The following NBAS variants were observed in gnomAD, a reference collection of about 807,000 sequenced individuals.
The protein encoded by NBAS is NBAS subunit of NRZ tethering complex.
Under a neutral mutation model 302.5 loss-of-function variants are expected in NBAS, and 219 were observed. That is an observed-to-expected ratio of 0.72 (90% CI 0.65 to 0.81). The LOEUF (loss-of-function observed/expected upper bound fraction) is 0.81. NBAS is among the 30% of genes least tolerant of loss of function. NBAS has a pLI of 0.00. For synonymous variants in NBAS, 1,118 were observed against 1,021.6 expected (o/e 1.09, Z -1.80); for missense variants, 2,932 against 2,841.6 (o/e 1.03, Z -0.72).
chr2:15,282,043 G>C (rs890082953), intron 42 of NBAS, among the ~76,000 whole-genome samples: 2 of 152,114 alleles, frequency 1.3e-5, no homozygotes, highest in Admixed American at 6.6e-5. Flanking sequence ...CAAATTTAGG[G>C]CTCAATTTTA....
the NBAS span, among the ~76,000 whole-genome samples, chr2:15,008,702 A>G: frequency 2.0e-5 from 3 of 152,218 alleles, no homozygotes; most frequent in African/African-American, 4.8e-5. Flanking sequence ...TATTTAAAAA[A>G]TAGGTGAAAT....
the NBAS span, among the ~76,000 whole-genome samples, chr2:15,029,286 T>A: frequency 1.3e-5 from 2 of 152,210 alleles, no homozygotes; most frequent in African/African-American, 4.8e-5. Flanking sequence ...CAGCTACAAA[T>A]TCTAATCAAA....
chr2:15,105,096 A>C, the NBAS span, among the ~76,000 whole-genome samples: 1 of 152,206 alleles, frequency 6.6e-6, no homozygotes, highest in Admixed American at 6.6e-5. Context: ...GGATGAGGTC[A>C]TGTCCTTTGC....
the NBAS span, among the ~76,000 whole-genome samples, chr2:15,107,944 G>C: frequency 6.6e-6 from 1 of 152,036 alleles, no homozygotes; most frequent in South Asian, 2.1e-4. Flanking sequence ...ATAGTATCTG[G>C]TCTTTTGTGT....
At chr2:14,970,092 ATTAG>A in the NBAS span, among the ~76,000 whole-genome samples, 1 of 152,220 alleles carries the variant, frequency 6.6e-6, no homozygotes, top group South Asian at 2.1e-4. Context: ...CTTTAGAAAA[ATTAG>A]TTAATTTTCT....
intron 42 of NBAS, among the ~76,000 whole-genome samples, chr2:15,277,863 C>T (rs1572575221): frequency 6.6e-6 from 1 of 152,076 alleles, no homozygotes; most frequent in African/African-American, 2.4e-5. Context: ...TGTGCTTCTC[C>T]CTGGACAGAA....
At chr2:14,836,390 T>G in the NBAS span, among the ~76,000 whole-genome samples, 2 of 151,666 alleles carry the variant, frequency 1.3e-5, no homozygotes, top group Non-Finnish European at 2.9e-5. Context: ...TTCTTCCAAA[T>G]TTGCCTTGAT....
At chr2:15,299,221 A>G (rs1325337296) in intron 40 of NBAS, among the ~76,000 whole-genome samples, 2 of 152,268 alleles carry the variant, frequency 1.3e-5, no homozygotes, top group African/African-American at 2.4e-5. Context: ...AAAGCCATTC[A>G]TAATTTAAAA....
At chr2:15,054,343 A>T in the NBAS span, among the ~76,000 whole-genome samples, 1 of 152,204 alleles carries the variant, frequency 6.6e-6, no homozygotes, top group African/African-American at 2.4e-5. Flanking sequence ...GAGGGAGTAG[A>T]CTTGAGTTTA....
the NBAS span, among the ~76,000 whole-genome samples, chr2:14,799,072 ATTAG>A: frequency 0.011 from 1,620 of 152,000 alleles, 29 homozygotes; most frequent in African/African-American, 0.036. Context: ...TCTAAAATGT[ATTAG>A]TTCTTTTCTT....
intron 40 of NBAS, among the ~76,000 whole-genome samples, chr2:15,305,814 A>G (rs1329223234): frequency 6.6e-6 from 1 of 152,184 alleles, no homozygotes; most frequent in East Asian, 1.9e-4. Context: ...TGTATTCAGG[A>G]AAGGTACAGC....
the NBAS span, among the ~76,000 whole-genome samples, chr2:14,940,665 A>T: frequency 5.9e-5 from 9 of 152,178 alleles, no homozygotes; most frequent in South Asian, 1.9e-3. Flanking sequence ...CTCCAACAAC[A>T]CAATGCCTCC....
chr2:15,385,106 A>C (rs545701404), intron 28 of NBAS, among the ~76,000 whole-genome samples: 1 of 152,372 alleles, frequency 6.6e-6, no homozygotes, highest in East Asian at 1.9e-4. Context: ...ACATGCAATT[A>C]GGCATAAGAG....
intron 32 of NBAS, among the ~76,000 whole-genome samples, chr2:15,360,397 T>C (rs1425394582): frequency 6.7e-6 from 1 of 149,510 alleles, no homozygotes; most frequent in Non-Finnish European, 1.5e-5. Flanking sequence ...TGTAATGGCA[T>C]GATCAATATT....
chr2:15,181,575 T>G (rs1456311772), intron 50 of NBAS, among the ~76,000 whole-genome samples: 1 of 152,222 alleles, frequency 6.6e-6, no homozygotes, highest in East Asian at 1.9e-4. Context: ...ACACGTCATT[T>G]GACAGGCCTT....
intron 47 of NBAS, among the ~76,000 whole-genome samples, chr2:15,223,360 A>G (rs976263411): frequency 1.3e-5 from 2 of 152,092 alleles, no homozygotes. Flanking sequence ...AATTTTTCTA[A>G]GGGTTTTAAA....
At chr2:15,005,796 A>G in the NBAS span, among the ~76,000 whole-genome samples, 59,405 of 152,134 alleles carry the variant, frequency 0.39, 12,308 homozygotes, top group African/African-American at 0.45. Flanking sequence ...CAGCTACCTG[A>G]TACCAGGCAG....
Position 15,474,112 on chromosome 2 carries a change from A to G in NBAS, c.1554T>C (p.Leu518=). The change falls in exon 15 of 52, where the codon CTT becomes CTC. Residue 518 remains leucine, a synonymous_variant. Coordinates refer to ENST00000281513, the MANE Select transcript of NBAS (RefSeq NM_015909.4). ...RPRTITKNYR[L]VSLRSTTPEE... is the part of the protein sequence containing the mutation. ...CTGGTGTCGTGGAGCGCAAACTCAC[A>G]AGGCGGTAGTTTTTAGTAATGGTTC... The G allele has an allele frequency of 6.2e-7, 1 of 1,614,144 alleles. No homozygotes were observed. The highest frequency in any genetic ancestry group is 8.5e-7 in the Non-Finnish European group (1 of 1,180,016).
At chr2:15,030,983 T>G in the NBAS span, among the ~76,000 whole-genome samples, 1 of 152,206 alleles carries the variant, frequency 6.6e-6, no homozygotes, top group Non-Finnish European at 1.5e-5. Flanking sequence ...CGTGTTCTCC[T>G]TTGTCCCCGG....
Sources: gnomAD v4.1 joint callset for allele counts (sites outside exome capture counted in the v4.1 genomes callset) on GRCh38, gnomAD v4.1.1 for gene constraint, MANE v1.5 for transcripts, NCBI Gene and HGNC (gene_info 2026-07-23, HGNC 2026-07-21) for gene names.